The following AUTS2 variants were observed in gnomAD, a reference collection of about 807,000 sequenced individuals.
AUTS2 encodes the protein autism susceptibility gene 2 protein.
In AUTS2, 17 loss-of-function variants were observed where a neutral mutation model predicts 112.4. That is an observed-to-expected ratio of 0.15 (90% CI 0.10 to 0.23). AUTS2 has a LOEUF of 0.23. Ranked by LOEUF, AUTS2 falls within the 10% of genes least tolerant of loss-of-function variation. The pLI, the probability that AUTS2 is intolerant of heterozygous loss-of-function variation, is 1.00. For missense variants in AUTS2, 1,510 were observed against 1,701.6 expected, an observed-to-expected ratio of 0.89 and a Z score of 1.98; for synonymous variants, 751 against 702.7, an observed-to-expected ratio of 1.07 and a Z score of -1.09.
chr7:70,452,402 T>C (rs1333766009), intron 5 of AUTS2, among the ~76,000 whole-genome samples: 1 of 152,182 alleles, frequency 6.6e-6, no homozygotes, highest in Admixed American at 6.5e-5. Flanking sequence ...GAGGTTGCAG[T>C]GAGCTGAGAT....
chr7:70,406,712 C>A lies in AUTS2; in HGVS notation c.661-29040C>A, dbSNP rs184985270. Among the ~76,000 whole-genome samples, 892 of 152,318 alleles carry A rather than the reference C, an allele frequency of 5.9e-3. 3 individuals carry two copies. The highest frequency in any genetic ancestry group is 9.2e-3 in the Non-Finnish European group (625 of 68,030). On this transcript the variant is annotated intron_variant, in intron 4 of 18. Coordinates refer to ENST00000342771, the MANE Select transcript of AUTS2 (RefSeq NM_015570.4). ...AGTTGCAGTCAGCAGGGACCCAAGG[C>A]ATTTCCCAGTGACATCAATTCGTCT...
chr7:70,231,099 T>C (rs1812024684), intron 4 of AUTS2, among the ~76,000 whole-genome samples: 1 of 152,252 alleles, frequency 6.6e-6, no homozygotes, highest in African/African-American at 2.4e-5. Flanking sequence ...CAATTTCCAG[T>C]GTCCTTTAGA....
intron 1 of AUTS2, among the ~76,000 whole-genome samples, chr7:69,810,166 C>T (rs1482324841): frequency 6.6e-6 from 1 of 152,186 alleles, no homozygotes; most frequent in Non-Finnish European, 1.5e-5. Flanking sequence ...CTCTCTTGTC[C>T]TTCCCATCTT....
rs4717524 is a variant in AUTS2, at chr7:69,882,604, T to G, written c.310-16682T>G. Among the ~76,000 whole-genome samples the G allele has an allele frequency of 8.0e-3, 1,216 of 152,282 alleles. 41 individuals are homozygous for G. In the East Asian group the frequency reaches 0.087, roughly 11 times the overall value. Reference sequence around the variant, plus strand: ...GAATATTAATTAATAGTAATAAAAATAATTAATTTGGACTGAACTCCTAAT... The same window carrying G: ...GAATATTAATTAATAGTAATAAAAAGAATTAATTTGGACTGAACTCCTAAT... On this transcript the variant is annotated intron_variant, in intron 1 of 18. Coordinates refer to ENST00000342771, the MANE Select transcript of AUTS2 (RefSeq NM_015570.4).
chr7:70,777,849 A>G (rs1339674248), intron 14 of AUTS2, among the ~76,000 whole-genome samples: 1 of 152,250 alleles, frequency 6.6e-6, no homozygotes, highest in Admixed American at 6.5e-5. Flanking sequence ...ATCTGGGAAG[A>G]GCTACAAATG....
rs141614352 is a variant in AUTS2, at chr7:70,251,482, C to T, written c.660+116911C>T. On this transcript the variant is annotated intron_variant, in intron 4 of 18. Coordinates refer to ENST00000342771, the MANE Select transcript of AUTS2 (RefSeq NM_015570.4). Reference sequence around the variant, plus strand: ...TCAGTTAAATTTAAGGATTTCTTGTCTTCTTGTATCTTTGGATTGATATTT... The same window carrying T: ...TCAGTTAAATTTAAGGATTTCTTGTTTTCTTGTATCTTTGGATTGATATTT... 1.0e-3 allele frequency among the ~76,000 whole-genome samples: 158 copies of T among 152,258 alleles called. 2 individuals are homozygous for T. The East Asian group carries it at 0.03, about 28-fold the overall frequency.
chr7:70,290,687 GTATC>G, intron 4 of AUTS2: 6 of 1,329,554 alleles, frequency 4.5e-6, no homozygotes, highest in Non-Finnish European at 5.7e-6. Flanking sequence ...CCCAATTCAG[GTATC>G]AGATCCTTTG....
At chr7:70,590,489 G>A (rs1185312622) in intron 5 of AUTS2, among the ~76,000 whole-genome samples, 3 of 152,144 alleles carry the variant, frequency 2.0e-5, no homozygotes, top group Non-Finnish European at 4.4e-5. Flanking sequence ...ATAGGGTAGT[G>A]GTTGAAGCAG....
In AUTS2 at chr7:70,240,438, A is replaced by C. The variant is rs1321304937; in HGVS notation, c.660+105867A>C. Among the ~76,000 whole-genome samples the C allele has an allele frequency of 1.3e-5, 2 of 152,228 alleles. 1 individual carries two copies. Among genetic ancestry groups the C allele is most frequent in the South Asian group, 4.1e-4 (2 of 4,838 alleles). On this transcript the variant is annotated intron_variant, in intron 4 of 18. Transcript: ENST00000342771. ...GCATATGGAAGGAGCTGGGTAAATG[A>C]TGGTAGTACACTTATAATCTTAAGG...
chr7:69,887,599 A>G (rs1794334117), intron 1 of AUTS2, among the ~76,000 whole-genome samples: 1 of 152,158 alleles, frequency 6.6e-6, no homozygotes, highest in African/African-American at 2.4e-5. Context: ...AAGGTGTGAT[A>G]GTATGTGAAT....
intron 2 of AUTS2, among the ~76,000 whole-genome samples, chr7:70,074,858 T>C (rs1052438406): frequency 6.6e-6 from 1 of 152,230 alleles, no homozygotes; most frequent in African/African-American, 2.4e-5. Context: ...TGTTTTGGTG[T>C]AACCAATCCC....
At chr7:70,454,779 G>C (rs1325106538) in intron 5 of AUTS2, among the ~76,000 whole-genome samples, 1 of 152,128 alleles carries the variant, frequency 6.6e-6, no homozygotes, top group Non-Finnish European at 1.5e-5. Context: ...GGATTCTGAA[G>C]GTGCAGACCT....
chr7:70,320,590 A>G (rs1317803846), intron 4 of AUTS2, among the ~76,000 whole-genome samples: 1 of 152,228 alleles, frequency 6.6e-6, no homozygotes, highest in Non-Finnish European at 1.5e-5. Context: ...GGGGAAGACA[A>G]TTAGGACCCA....
chr7:69,865,884 A>G (rs1793204260), intron 1 of AUTS2, among the ~76,000 whole-genome samples: 1 of 152,196 alleles, frequency 6.6e-6, no homozygotes, highest in African/African-American at 2.4e-5. Flanking sequence ...ATCTAGGATA[A>G]AATGTACCCT....
intron 5 of AUTS2, among the ~76,000 whole-genome samples, chr7:70,522,547 T>C (rs13247777): frequency 0.08 from 12,205 of 152,270 alleles, 582 homozygotes; most frequent in African/African-American, 0.12. Context: ...CAAGGGAAAA[T>C]ATACAGTATT....
rs12674397 is a variant in AUTS2, at chr7:70,234,088, A to T, written c.660+99517A>T. On this transcript the variant is annotated intron_variant, in intron 4 of 18. Coordinates refer to ENST00000342771, the MANE Select transcript of AUTS2 (RefSeq NM_015570.4). The stretch of plus-strand genomic sequence containing the variant: ...GTTTTATTGGTATGAATTCTAACCA[A>T]GCTGTGGGCATTTAAGTCATATTTG... Among the ~76,000 whole-genome samples, 3 of 152,168 alleles carry T rather than the reference A, an allele frequency of 2.0e-5. No homozygotes were observed. In the East Asian group the frequency reaches 5.8e-4, roughly 29 times the overall value.
At chr7:70,620,165 G>T (rs1239047441) in intron 5 of AUTS2, among the ~76,000 whole-genome samples, 1 of 152,078 alleles carries the variant, frequency 6.6e-6, no homozygotes, top group Non-Finnish European at 1.5e-5. Context: ...ACATAGCACT[G>T]GTACACCTCA....
chr7:69,870,529 A>G (rs1479794039), intron 1 of AUTS2, among the ~76,000 whole-genome samples: 1 of 143,860 alleles, frequency 7.0e-6, no homozygotes, highest in Non-Finnish European at 1.5e-5. Flanking sequence ...GAAACAAAAA[A>G]AAAAAATAAA....
chr7:70,446,635 T>C (rs1249570694), intron 5 of AUTS2, among the ~76,000 whole-genome samples: 2 of 152,196 alleles, frequency 1.3e-5, no homozygotes, highest in Non-Finnish European at 2.9e-5. Context: ...CCATTTTACC[T>C]CTGCAGGCAT....
Sources: allele counts gnomAD v4.1 joint callset (sites outside exome capture counted in the v4.1 genomes callset), GRCh38; gene constraint gnomAD v4.1.1; transcripts MANE v1.5; gene names NCBI Gene and HGNC (gene_info 2026-07-23, HGNC 2026-07-21).